Variants in HS6ST3 observed in about 807,000 individuals in gnomAD.
HS6ST3 encodes heparan sulfate 6-O-sulfotransferase 3, also known as heparan-sulfate 6-O-sulfotransferase 3.
A neutral mutation model predicts 36.7 loss-of-function variants in HS6ST3; 12 were observed. The ratio of observed to expected loss-of-function variants is 0.33; its 90% CI spans 0.21 to 0.53. HS6ST3 has a LOEUF of 0.53. HS6ST3 is among the 20% of genes least tolerant of loss of function. The probability of loss-of-function intolerance (pLI) is 0.95; values close to 1 mark genes in which losing one functional copy is unlikely to be tolerated. For synonymous variants in HS6ST3, 240 were observed against 257.5 expected, an observed-to-expected ratio of 0.93 and a Z score of 0.65; for missense variants, 584 against 640.9, an observed-to-expected ratio of 0.91 and a Z score of 0.96.
At chr13:96,637,999 G>C (rs550396857) in intron 1 of HS6ST3, among the ~76,000 whole-genome samples, 1 of 152,130 alleles carries the variant, frequency 6.6e-6, no homozygotes, top group South Asian at 2.1e-4. Context: ...TTCATTTCTG[G>C]AGAAAACACC....
chr13:96,729,000 T>C (rs759745703), intron 1 of HS6ST3, among the ~76,000 whole-genome samples: 55 of 152,204 alleles, frequency 3.6e-4, no homozygotes, highest in Non-Finnish European at 6.5e-4. Flanking sequence ...GCACTGTGAA[T>C]GCCTCATGTA....
At chr13:96,126,267 C>T (rs2053950512) in intron 1 of HS6ST3, among the ~76,000 whole-genome samples, 1 of 152,158 alleles carries the variant, frequency 6.6e-6, no homozygotes, top group Non-Finnish European at 1.5e-5. Context: ...ACTACTCTTT[C>T]ACCAGCATTT....
chr13:96,833,244 A>T lies in HS6ST3; in HGVS notation c.*46A>T. The T allele has an allele frequency of 7.0e-7, 1 of 1,421,086 alleles. No individual in the cohort carries two copies. The highest frequency in any genetic ancestry group is 9.3e-7 in the Non-Finnish European group (1 of 1,076,990). 88.0% of individuals were successfully genotyped at this position (1,421,086 alleles called of 1,614,324 possible). A position where few individuals can be genotyped will look rare whatever the true frequency, so the allele number is the denominator to read the frequency against. ...CAGGAGGGGGAGGGTGAGCAGGCACATTGACTTTCTGTTGAGGTACCTTGG... is the reference window on the plus strand; with the variant it reads ...CAGGAGGGGGAGGGTGAGCAGGCACTTTGACTTTCTGTTGAGGTACCTTGG... On this transcript the variant is annotated 3_prime_UTR_variant, in exon 2 of 2. Coordinates refer to ENST00000376705, the MANE Select transcript of HS6ST3 (RefSeq NM_153456.4).
chr13:96,526,166 T>A (rs1199238351), intron 1 of HS6ST3, among the ~76,000 whole-genome samples: 1 of 152,018 alleles, frequency 6.6e-6, no homozygotes, highest in Non-Finnish European at 1.5e-5. Flanking sequence ...ATGTTAAAGG[T>A]GTATTATGCA....
chr13:96,675,096 C>T (rs2056694803), intron 1 of HS6ST3, among the ~76,000 whole-genome samples: 1 of 152,138 alleles, frequency 6.6e-6, no homozygotes, highest in African/African-American at 2.4e-5. Flanking sequence ...CCAGTCTCCA[C>T]TCCTGATCTT....
chr13:96,400,310 C>A (rs1416461181), intron 1 of HS6ST3, among the ~76,000 whole-genome samples: 1 of 62,364 alleles, frequency 1.6e-5, no homozygotes, highest in Non-Finnish European at 4.4e-5. Context: ...CACACAGATA[C>A]ACACACACAC....
intron 1 of HS6ST3, among the ~76,000 whole-genome samples, chr13:96,638,724 C>A (rs1385836166): frequency 1.3e-5 from 2 of 151,870 alleles, no homozygotes; most frequent in African/African-American, 4.8e-5. Flanking sequence ...CCCAGCCCAG[C>A]GGAACTATGA....
At chr13:96,702,472 A>G (rs1875315301) in intron 1 of HS6ST3, among the ~76,000 whole-genome samples, 1 of 152,244 alleles carries the variant, frequency 6.6e-6, no homozygotes, top group Non-Finnish European at 1.5e-5. Context: ...GAGCCAAATC[A>G]ATAACATTAG....
At chr13:96,126,456 G>A (rs1361969890) in intron 1 of HS6ST3, among the ~76,000 whole-genome samples, 1 of 152,116 alleles carries the variant, frequency 6.6e-6, no homozygotes, top group Non-Finnish European at 1.5e-5. Flanking sequence ...GACAGTTGTA[G>A]GTAAAGAAAG....
intron 1 of HS6ST3, among the ~76,000 whole-genome samples, chr13:96,562,547 G>A (rs1188430587): frequency 6.6e-6 from 1 of 152,018 alleles, no homozygotes; most frequent in African/African-American, 2.4e-5. Context: ...AATATGCCGA[G>A]CATCAGAGAC....
At chr13:96,225,124 C>T (rs1172828843) in intron 1 of HS6ST3, among the ~76,000 whole-genome samples, 2 of 152,168 alleles carry the variant, frequency 1.3e-5, no homozygotes, top group Non-Finnish European at 2.9e-5. Flanking sequence ...GAATTTTGAT[C>T]AGAGACATTT....
chr13:96,550,369 C>T (rs1333371920), intron 1 of HS6ST3, among the ~76,000 whole-genome samples: 1 of 152,172 alleles, frequency 6.6e-6, no homozygotes, highest in Non-Finnish European at 1.5e-5. Flanking sequence ...TCAGTAAGAG[C>T]TTCCTGAGGC....
intron 1 of HS6ST3, among the ~76,000 whole-genome samples, chr13:96,128,441 G>C (rs1322443850): frequency 2.0e-5 from 3 of 152,154 alleles, no homozygotes; most frequent in Non-Finnish European, 2.9e-5. Context: ...TGCATTCCAA[G>C]ATAACTAAGT....
chr13:96,160,603 C>T (rs7993804), intron 1 of HS6ST3, among the ~76,000 whole-genome samples: 55,067 of 151,988 alleles, frequency 0.36, 10,766 homozygotes, highest in East Asian at 0.51. Context: ...CTCGTGACCC[C>T]GAGTTCATTT....
At chr13:96,651,687 T>C (rs574265869) in intron 1 of HS6ST3, among the ~76,000 whole-genome samples, 1 of 152,220 alleles carries the variant, frequency 6.6e-6, no homozygotes, top group South Asian at 2.1e-4. Context: ...AACTCCCTCC[T>C]TTCTCCAGTG....
At chr13:96,621,681 T>A (rs895099560) in intron 1 of HS6ST3, among the ~76,000 whole-genome samples, 4 of 152,196 alleles carry the variant, frequency 2.6e-5, no homozygotes, top group African/African-American at 9.7e-5. Flanking sequence ...TTTATAACTT[T>A]ATTGTCCCTC....
At chr13:96,142,834 A>G (rs970414045) in intron 1 of HS6ST3, among the ~76,000 whole-genome samples, 4 of 152,278 alleles carry the variant, frequency 2.6e-5, no homozygotes, top group Admixed American at 2.0e-4. Context: ...TACTTATTAA[A>G]GTGAACCCAT....
At chr13:96,158,933 G>A (rs1176006272) in intron 1 of HS6ST3, among the ~76,000 whole-genome samples, 3 of 152,112 alleles carry the variant, frequency 2.0e-5, no homozygotes, top group African/African-American at 7.2e-5. Context: ...AGGTCTGGGG[G>A]CAAGGACACA....
chr13:96,623,986 A>G (rs551996571), intron 1 of HS6ST3, among the ~76,000 whole-genome samples: 1 of 152,344 alleles, frequency 6.6e-6, no homozygotes, highest in East Asian at 1.9e-4. Flanking sequence ...TGCTTCCACT[A>G]AGTATCTACC....
Sources: gnomAD v4.1 joint callset for allele counts (sites outside exome capture counted in the v4.1 genomes callset) on GRCh38, gnomAD v4.1.1 for gene constraint, MANE v1.5 for transcripts, NCBI Gene and HGNC (gene_info 2026-07-23, HGNC 2026-07-21) for gene names.